SLCO3A1: variants seen among roughly 807,000 people sequenced by gnomAD.
SLCO3A1 encodes the protein solute carrier organic anion transporter family member 3A1, also known as PGE1 transporter.
In SLCO3A1, 27 loss-of-function variants were observed where a neutral mutation model predicts 63.1. The observed-to-expected ratio is 0.43, with a 90% CI of 0.32 to 0.59. The LOEUF (loss-of-function observed/expected upper bound fraction) is 0.59, where lower values mean the gene tolerates loss of function less well. Ranked by LOEUF, SLCO3A1 falls within the 20% of genes least tolerant of loss-of-function variation. SLCO3A1 has a pLI of 0.09. For missense variants in SLCO3A1, 773 were observed against 945.8 expected (o/e 0.82, Z 2.40); for synonymous variants, 473 against 409.9 (o/e 1.15, Z -1.86).
chr15:92,040,031 A>C (rs927329121), intron 2 of SLCO3A1, among the ~76,000 whole-genome samples: 1 of 152,088 alleles, frequency 6.6e-6, no homozygotes, highest in Non-Finnish European at 1.5e-5. Context: ...ACATGCACAA[A>C]CACCAGGGCC....
At chr15:91,904,669 T>C (rs546022171) in intron 1 of SLCO3A1, among the ~76,000 whole-genome samples, 2 of 152,184 alleles carry the variant, frequency 1.3e-5, no homozygotes, top group African/African-American at 4.8e-5. Flanking sequence ...TGAGTTCTTA[T>C]GGTTCGTGGT....
At chr15:91,933,302 G>A (rs1023352348) in intron 2 of SLCO3A1, among the ~76,000 whole-genome samples, 6 of 152,066 alleles carry the variant, frequency 3.9e-5, no homozygotes, top group African/African-American at 1.2e-4. Flanking sequence ...GCTATTTACA[G>A]GGCTTCAAAC....
chr15:91,988,338 C>T (rs981369005), intron 2 of SLCO3A1, among the ~76,000 whole-genome samples: 11 of 151,706 alleles, frequency 7.3e-5, no homozygotes, highest in East Asian at 1.9e-4. Flanking sequence ...GAGGCCCTGT[C>T]GCAATCAATC....
chr15:92,079,142 G>T (rs2047312885), intron 2 of SLCO3A1, among the ~76,000 whole-genome samples: 1 of 152,216 alleles, frequency 6.6e-6, no homozygotes, highest in Admixed American at 6.5e-5. Context: ...TGCCCATGAA[G>T]GTGCTGATTT....
chr15:92,155,924 A>G (rs556804505), intron 9 of SLCO3A1, among the ~76,000 whole-genome samples: 5 of 152,228 alleles, frequency 3.3e-5, no homozygotes, highest in African/African-American at 1.2e-4. Context: ...CCCCACATAC[A>G]CTGACCCTGC....
At chr15:91,930,670 C>T (rs1348360782) in intron 2 of SLCO3A1, among the ~76,000 whole-genome samples, 1 of 152,176 alleles carries the variant, frequency 6.6e-6, no homozygotes, top group East Asian at 1.9e-4. Flanking sequence ...GCTGGGGATA[C>T]ATGGATGAAT....
chr15:92,012,789 C>T (rs1054198282), intron 2 of SLCO3A1, among the ~76,000 whole-genome samples: 1 of 150,116 alleles, frequency 6.7e-6, no homozygotes, highest in Non-Finnish European at 1.5e-5. Context: ...TAACTCTAGG[C>T]CCTGCTCGAC....
At chr15:91,866,582 A>AAG in intron 1 of SLCO3A1, among the ~76,000 whole-genome samples, 1 of 151,138 alleles carries the variant, frequency 6.6e-6, no homozygotes, top group African/African-American at 2.5e-5. Flanking sequence ...TTTTAAAAAA[A>AAG]AAAAAAAAAG....
chr15:92,126,057 C>G lies in SLCO3A1; in HGVS notation c.1175-4C>G, dbSNP rs769644262. 1 of 1,613,676 alleles carries G rather than the reference C, an allele frequency of 6.2e-7. No individual in the cohort carries two copies. Among genetic ancestry groups the G allele is most frequent in the Non-Finnish European group, 8.5e-7 (1 of 1,179,780 alleles). ...ACAGCCCTGCCCCTCTATTTTCCTTCCAGGGATGACTGCGATCCCGTGTGC... is the reference window on the plus strand; with the variant it reads ...ACAGCCCTGCCCCTCTATTTTCCTTGCAGGGATGACTGCGATCCCGTGTGC... On this transcript the variant is annotated splice_region_variant and splice_polypyrimidine_tract_variant and intron_variant, in intron 5 of 9. Coordinates refer to ENST00000318445, the MANE Select transcript of SLCO3A1 (RefSeq NM_013272.4).
At chr15:92,067,324 C>T (rs1178590363) in intron 2 of SLCO3A1, among the ~76,000 whole-genome samples, 1 of 152,182 alleles carries the variant, frequency 6.6e-6, no homozygotes, top group Non-Finnish European at 1.5e-5. Flanking sequence ...CTCTGCTTCC[C>T]GTGTGGTTTC....
At chr15:92,063,978 C>G (rs1031313425) in intron 2 of SLCO3A1, among the ~76,000 whole-genome samples, 2 of 152,156 alleles carry the variant, frequency 1.3e-5, no homozygotes, top group African/African-American at 4.8e-5. Context: ...AAGGCTATTC[C>G]CATTTCATAG....
chr15:91,982,949 G>T (rs2046005997), intron 2 of SLCO3A1, among the ~76,000 whole-genome samples: 1 of 152,240 alleles, frequency 6.6e-6, no homozygotes, highest in Non-Finnish European at 1.5e-5. Context: ...AAACTCCCAG[G>T]AACTGAGGGA....
chr15:92,147,962 A>C (rs1486816415), intron 8 of SLCO3A1, among the ~76,000 whole-genome samples: 1 of 152,192 alleles, frequency 6.6e-6, no homozygotes, highest in Non-Finnish European at 1.5e-5. Flanking sequence ...CATGCCTGTA[A>C]TCCCAGCACT....
rs1272460116 is a variant in SLCO3A1 at position 91,862,376 on chromosome 15, G to A, written c.180+8288G>A. On this transcript the variant is annotated intron_variant, in intron 1 of 9. Coordinates refer to ENST00000318445, the MANE Select transcript of SLCO3A1 (RefSeq NM_013272.4). The surrounding 1 kb of genome is among the most constrained non-coding windows in gnomAD (Gnocchi z 4.0). ...TCACCATGTTGGCCAGGGTGGTCTC[G>A]AACTCCTGACCTCAAGTGATCCACT... Among the ~76,000 whole-genome samples, 2 of 151,922 alleles carry A rather than the reference G, an allele frequency of 1.3e-5. No individual in the cohort carries two copies. Among genetic ancestry groups the A allele is most frequent in the Non-Finnish European group, 2.9e-5 (2 of 67,990 alleles).
At chr15:92,154,277 A>G (rs915460843) in intron 9 of SLCO3A1, among the ~76,000 whole-genome samples, 36 of 152,204 alleles carry the variant, frequency 2.4e-4, no homozygotes, top group Non-Finnish European at 1.3e-4. Context: ...CTCCTAAGAA[A>G]GTCTTGGGTA....
intron 2 of SLCO3A1, among the ~76,000 whole-genome samples, chr15:91,961,871 A>G (rs779894849): frequency 3.3e-5 from 5 of 152,278 alleles, no homozygotes; most frequent in Non-Finnish European, 7.3e-5. Flanking sequence ...TTCTCAGAAC[A>G]TGGAAGGGAC....
At chr15:92,106,664 A>C (rs1447565936) in intron 4 of SLCO3A1, among the ~76,000 whole-genome samples, 1 of 152,204 alleles carries the variant, frequency 6.6e-6, no homozygotes, top group East Asian at 1.9e-4. Context: ...AAAAGATTAA[A>C]AAGATACAAT....
intron 2 of SLCO3A1, among the ~76,000 whole-genome samples, chr15:92,089,007 TATTA>T (rs1455964434): frequency 8.5e-5 from 8 of 94,392 alleles, no homozygotes; most frequent in Non-Finnish European, 1.6e-4. Context: ...TTTATTTATT[TATTA>T]TTTATTTATT....
rs774888055 is a variant in SLCO3A1 at position 91,894,438 on chromosome 15, G to T, written c.181-21555G>T. 6.6e-6 allele frequency among the ~76,000 whole-genome samples: 1 copy of T among 152,096 alleles called. No individual in the cohort carries two copies. Among genetic ancestry groups the T allele is most frequent in the African/African-American group, 2.4e-5 (1 of 41,392 alleles). ...AGGTGTGGTGGTATCTCAGGTGAGG[G>T]GTTGATGGTCGCCAGGTCATAGGTG... On this transcript the variant is annotated intron_variant, in intron 1 of 9. Transcript: ENST00000318445. The surrounding 1 kb of genome is among the most constrained non-coding windows in gnomAD (Gnocchi z 4.8).
Sources: allele counts gnomAD v4.1 joint callset (sites outside exome capture counted in the v4.1 genomes callset), GRCh38; gene constraint gnomAD v4.1.1; non-coding constraint Gnocchi (gnomAD v3.1); transcripts MANE v1.5; gene names NCBI Gene and HGNC (gene_info 2026-07-23, HGNC 2026-07-21).